The following PARP1 variants were observed in gnomAD, a reference collection of about 807,000 sequenced individuals.
The protein encoded by PARP1 is poly [ADP-ribose] polymerase 1.
In PARP1, 44 loss-of-function variants were observed where a neutral mutation model predicts 118.7. The observed-to-expected ratio is 0.37, with a 90% CI of 0.29 to 0.48. PARP1 has a LOEUF of 0.48. Ranked by LOEUF, PARP1 falls within the 20% of genes least tolerant of loss-of-function variation. The probability of loss-of-function intolerance (pLI) is 0.99; values close to 1 mark genes in which losing one functional copy is unlikely to be tolerated. For synonymous variants in PARP1, 492 were observed against 483.2 expected (o/e 1.02, Z -0.24); for missense variants, 1,100 against 1,272.4 (o/e 0.86, Z 2.06).
In PARP1 at chr1:226,390,431, A is replaced by G; in HGVS notation, c.596T>C (p.Leu199Pro). The G allele has an allele frequency of 6.2e-7, 1 of 1,613,896 alleles. No homozygotes were observed. Among genetic ancestry groups the G allele is most frequent in the Non-Finnish European group, 8.5e-7 (1 of 1,180,022 alleles). Residue 199 changes from leucine to proline, a missense_variant, in exon 4 of 23, where the codon CTC becomes CCC. Around this residue, in one of 2 missense-constraint regions of PARP1, gnomAD observed 948 missense variants for 1,031.8 expected, o/e 0.92. Coordinates refer to ENST00000366794, the MANE Select transcript of PARP1 (RefSeq NM_001618.4). ...CCACCCTTCACTCTTGACTCCTGGG[A>G]GCTGCTTCTTCAGGGCTTCTTTATC... ...TEDKEALKKQ[L>P]PGVKSEGKRK...
At chr1:226,394,989 G>T (rs1226045679) in intron 2 of PARP1, among the ~76,000 whole-genome samples, 1 of 152,114 alleles carries the variant, frequency 6.6e-6, no homozygotes, top group African/African-American at 2.4e-5. Context: ...ACTTGAATCT[G>T]TAACTTTTAA....
At chr1:226,381,776 C>T (rs181400310) in intron 8 of PARP1, among the ~76,000 whole-genome samples, 225 of 152,332 alleles carry the variant, frequency 1.5e-3, no homozygotes, top group African/African-American at 5.1e-3. Flanking sequence ...CAGGGGTGTG[C>T]CTTCTGTTCA....
At chr1:226,386,216 T>C in intron 6 of PARP1, 110 bp downstream of exon 6, 4 of 754,146 alleles carry the variant, frequency 5.3e-6, no homozygotes, top group South Asian at 1.4e-5. Flanking sequence ...TTGCAATTAA[T>C]ACCAGCAGGT....
chr1:226,394,728 T>G (rs551524863), intron 2 of PARP1, among the ~76,000 whole-genome samples: 1 of 152,236 alleles, frequency 6.6e-6, no homozygotes, highest in South Asian at 2.1e-4. Context: ...TAGGCTGTGA[T>G]CGTTCCACTG....
chr1:226,404,310 C>T (rs190150795), intron 1 of PARP1, among the ~76,000 whole-genome samples: 1 of 152,204 alleles, frequency 6.6e-6, no homozygotes, highest in East Asian at 1.9e-4. Context: ...AACTCTCAAA[C>T]GTTCCACCAG....
At chr1:226,367,314 A>G (rs972165966) in intron 17 of PARP1, 166 bp downstream of exon 17, 36 of 814,800 alleles carry the variant, frequency 4.4e-5, no homozygotes, top group Non-Finnish European at 6.8e-5. Context: ...TTCTCAAAGG[A>G]CCACCAGCAG....
intron 11 of PARP1, 90 bp from the exon 12 acceptor site, chr1:226,379,364 G>A (rs191702810): frequency 1.5e-4 from 233 of 1,527,024 alleles, no homozygotes; most frequent in Non-Finnish European, 1.9e-4. Flanking sequence ...TGAGGTTCAC[G>A]CCTCTTGGAT....
chr1:226,395,381 A>G lies in PARP1; in HGVS notation c.287-3067T>C, dbSNP rs530940532. On this transcript the variant is annotated intron_variant, in intron 2 of 22. Transcript: ENST00000366794. ...CATTATCATTATTATGAATATTATG[A>G]ATACCATTCATAATAGCCAAAATGC... Among the ~76,000 whole-genome samples, 33 of 152,316 alleles carry G rather than the reference A, an allele frequency of 2.2e-4. No homozygotes were observed. In the South Asian group the frequency reaches 6.8e-3, roughly 32 times the overall value.
rs1638878278 is a variant in PARP1, at chr1:226,383,119, G to A, written c.1076C>T (p.Pro359Leu). ...GGCCGCCACGGAGGCGCTGGTTTCT[G>A]GGGGGAATATACGGTCCTGTTTTTT... ...KVKKQDRIFPPETSASVAATP... is the reference protein window; with the variant it reads ...KVKKQDRIFPLETSASVAATP... The change falls in exon 8 of 23, where the codon CCA becomes CTA. Residue 359 changes from proline to leucine, a missense_variant. Coordinates refer to ENST00000366794, the MANE Select transcript of PARP1 (RefSeq NM_001618.4). 2 of 1,612,298 alleles carry A rather than the reference G, an allele frequency of 1.2e-6. No individual in the cohort carries two copies. Among genetic ancestry groups the A allele is most frequent in the African/African-American group, 1.3e-5 (1 of 75,028 alleles).
At chr1:226,392,591 T>C in intron 2 of PARP1, 1 of 548,308 alleles carries the variant, frequency 1.8e-6, no homozygotes, top group Non-Finnish European at 3.3e-6. Context: ...TCCTCCCCTT[T>C]CTCTGGAGGC....
Position 226,381,084 on chromosome 1 carries a change from C to G in PARP1, c.1284G>C (p.Leu428=), listed in dbSNP as rs765209990. ...KLTGTANKAS[L]CISTKKEVEK... The stretch of plus-strand genomic sequence containing the variant: ...TCAACTCACTTTTGGTGCTGATGCA[C>G]AGGGAAGCCTTGTTGGCCGTCCCCG... The change falls in exon 9 of 23, where the codon CTG becomes CTC. Residue 428 remains leucine (L), a synonymous_variant. Coordinates refer to ENST00000366794, the MANE Select transcript of PARP1 (RefSeq NM_001618.4). 1 of 1,614,104 alleles carries G rather than the reference C, an allele frequency of 6.2e-7. No individual in the cohort carries two copies. Among genetic ancestry groups the G allele is most frequent in the Non-Finnish European group, 8.5e-7 (1 of 1,180,048 alleles).
chr1:226,382,078 GCA>G (rs1664621101), intron 8 of PARP1, among the ~76,000 whole-genome samples: 1 of 152,160 alleles, frequency 6.6e-6, no homozygotes, highest in African/African-American at 2.4e-5. Context: ...ATGACCACCA[GCA>G]CACACTGCAG....
rs1558241061 is a variant in PARP1, at chr1:226,392,326, A to G, written c.287-12T>C. ...ATCCTGGCCTTTGCCTGGAGAATCA[A>G]ACAGACAGCAATGCTCATCTCAACA... On this transcript the variant is annotated splice_polypyrimidine_tract_variant and intron_variant, in intron 2 of 22. Coordinates refer to ENST00000366794, the MANE Select transcript of PARP1 (RefSeq NM_001618.4). 6.3e-7 allele frequency: 1 copy of G among 1,584,248 alleles called. No homozygotes were observed.
chr1:226,371,099 A>G (rs1162055170), intron 14 of PARP1: 2 of 157,118 alleles, frequency 1.3e-5, no homozygotes, highest in Non-Finnish European at 2.8e-5. Flanking sequence ...GCCTGCCATC[A>G]AGAGAAGCTG....
At chr1:226,365,277 C>G (rs932614029) in intron 18 of PARP1, 123 bp from the exon 19 acceptor site, 19 of 1,096,494 alleles carry the variant, frequency 1.7e-5, no homozygotes, top group Non-Finnish European at 2.2e-5. Context: ...GACTTAAGGT[C>G]TGCTGCAATG....
At chr1:226,379,483 G>C in intron 11 of PARP1, 90 bp downstream of exon 11, 1 of 1,185,420 alleles carries the variant, frequency 8.4e-7, no homozygotes, top group Non-Finnish European at 1.3e-6. Context: ...ACTGCCCCAG[G>C]TATGCTGCGG....
chr1:226,382,811 C>T (rs1051126635), intron 8 of PARP1, among the ~76,000 whole-genome samples: 8 of 152,212 alleles, frequency 5.3e-5, no homozygotes, highest in Non-Finnish European at 1.0e-4. Flanking sequence ...AGTCACTGCT[C>T]CCAGCCGATG....
chr1:226,402,230 T>C lies in PARP1; in HGVS notation c.270A>G (p.Glu90=), dbSNP rs373388094. ...TGTACACACCTGTCACTCCTCCAGC[T>C]TCCGCTGTCTTCTTGACTTTCTGCT... ...DDQQKVKKTA[E]AGGVTGKGQD... The change falls in exon 2 of 23, where the codon GAA becomes GAG. Residue 90 remains glutamate, a synonymous_variant. Coordinates refer to ENST00000366794, the MANE Select transcript of PARP1 (RefSeq NM_001618.4). 6.2e-7 allele frequency: 1 copy of C among 1,614,222 alleles called. No homozygotes were observed. Among genetic ancestry groups the C allele is most frequent in the Non-Finnish European group, 8.5e-7 (1 of 1,180,040 alleles).
intron 2 of PARP1, among the ~76,000 whole-genome samples, chr1:226,397,765 T>C (rs1259128220): frequency 2.0e-5 from 3 of 152,026 alleles, no homozygotes; most frequent in Non-Finnish European, 4.4e-5. Flanking sequence ...ACCTAAAGAC[T>C]TACTATGAAG....
Sources: gnomAD v4.1 joint callset for allele counts (sites outside exome capture counted in the v4.1 genomes callset) on GRCh38, gnomAD v4.1.1 for gene constraint, gnomAD v4.1.1 regional missense constraint, MANE v1.5 for transcripts, NCBI Gene and HGNC (gene_info 2026-07-23, HGNC 2026-07-21) for gene names.